Variants in CABCOCO1 observed in about 807,000 individuals in gnomAD.
CABCOCO1 encodes the protein ciliary associated calcium binding coiled-coil 1, also known as ciliary-associated calcium-binding coiled-coil protein 1.
Under a neutral mutation model 35.7 loss-of-function variants are expected in CABCOCO1, and 28 were observed. That is an observed-to-expected ratio of 0.78 (90% CI 0.58 to 1.07). The LOEUF is 1.07. CABCOCO1 is among the 50% of genes least tolerant of loss of function. The pLI, the probability that CABCOCO1 is intolerant of heterozygous loss-of-function variation, is 0.00. For synonymous variants in CABCOCO1, 95 were observed against 100.1 expected, an observed-to-expected ratio of 0.95 and a Z score of 0.30; for missense variants, 326 against 309.2, an observed-to-expected ratio of 1.05 and a Z score of -0.41.
At chr10:61,690,247 G>A (rs1840095258) in intron 4 of CABCOCO1, among the ~76,000 whole-genome samples, 1 of 152,052 alleles carries the variant, frequency 6.6e-6, no homozygotes, top group Admixed American at 6.6e-5. Flanking sequence ...TTTTAAGCTA[G>A]GAAAAGTCAA....
At chr10:61,706,985 A>G (rs1229674811) in intron 5 of CABCOCO1, among the ~76,000 whole-genome samples, 1 of 152,116 alleles carries the variant, frequency 6.6e-6, no homozygotes. Flanking sequence ...TCCTTTTATT[A>G]AACCCTCCTC....
At chr10:61,745,422 C>T (rs2132073189) in intron 5 of CABCOCO1, among the ~76,000 whole-genome samples, 1 of 152,250 alleles carries the variant, frequency 6.6e-6, no homozygotes, top group Non-Finnish European at 1.5e-5. Flanking sequence ...TGTCCTTGCT[C>T]TTCTCTTTGT....
chr10:61,714,934 A>G (rs531138360), intron 5 of CABCOCO1, among the ~76,000 whole-genome samples: 1 of 152,256 alleles, frequency 6.6e-6, no homozygotes, highest in Admixed American at 6.5e-5. Flanking sequence ...ACTTCCAATT[A>G]TGTGGTCAGT....
chr10:61,691,854 T>C (rs1840154948), intron 5 of CABCOCO1, among the ~76,000 whole-genome samples: 1 of 152,196 alleles, frequency 6.6e-6, no homozygotes, highest in African/African-American at 2.4e-5. Flanking sequence ...TAGTATTCCA[T>C]GGTGTATATG....
At chr10:61,757,759 G>A (rs1482570894) in intron 5 of CABCOCO1, among the ~76,000 whole-genome samples, 2 of 151,870 alleles carry the variant, frequency 1.3e-5, no homozygotes, top group South Asian at 2.1e-4. Flanking sequence ...TAGTTGGTGA[G>A]TCATTCAGAT....
chr10:61,686,432 G>A (rs552666229), intron 4 of CABCOCO1, among the ~76,000 whole-genome samples: 145 of 152,064 alleles, frequency 9.5e-4, no homozygotes, highest in Admixed American at 3.2e-3. Flanking sequence ...AAAGGTTTGC[G>A]TTTGATAAAT....
At chr10:61,737,560 C>T (rs61850504) in intron 5 of CABCOCO1, among the ~76,000 whole-genome samples, 9,230 of 152,190 alleles carry the variant, frequency 0.061, 631 homozygotes, top group African/African-American at 0.17. Context: ...AACCTAAATG[C>T]TCATCAATGA....
At chr10:61,684,989 T>TTGTTTTCA (rs1251930913) in intron 3 of CABCOCO1, 1 of 152,212 alleles carries the variant, frequency 6.6e-6, no homozygotes, top group African/African-American at 2.4e-5. Flanking sequence ...TTTCGGGTGT[T>TTGTTTTCA]TGTTTTCATT....
chr10:61,680,385 AAT>A (rs71018991), intron 2 of CABCOCO1, among the ~76,000 whole-genome samples: 100 of 134,644 alleles, frequency 7.4e-4, no homozygotes, highest in Non-Finnish European at 6.9e-4. Context: ...TATAACATAT[AAT>A]ATATATATTT....
chr10:61,716,777 T>C (rs1840878322), intron 5 of CABCOCO1, among the ~76,000 whole-genome samples: 1 of 152,182 alleles, frequency 6.6e-6, no homozygotes, highest in Non-Finnish European at 1.5e-5. Context: ...AATACCTCTC[T>C]CAAACTGCCT....
At chr10:61,723,081 C>A (rs1053533248) in intron 5 of CABCOCO1, among the ~76,000 whole-genome samples, 2 of 152,110 alleles carry the variant, frequency 1.3e-5, no homozygotes, top group Non-Finnish European at 2.9e-5. Flanking sequence ...AATATTGGTA[C>A]AAATGACCTA....
At position 61,721,540 on chromosome 10, in the gene CABCOCO1, A is replaced by G. The variant is rs1416227425; in HGVS notation, c.552+30919A>G. Reference sequence around the variant, plus strand: ...AGCCTGAAGAGGAAAGGGAAGGGCAAAGTATTAGTAGAGTCTAGTAAGGGA... The same window carrying G: ...AGCCTGAAGAGGAAAGGGAAGGGCAGAGTATTAGTAGAGTCTAGTAAGGGA... On this transcript the variant is annotated intron_variant, in intron 5 of 7. Coordinates refer to ENST00000648843, the MANE Select transcript of CABCOCO1 (RefSeq NM_001366906.2). Among the ~76,000 whole-genome samples the G allele has an allele frequency of 2.0e-5, 3 of 152,186 alleles. No individual in the cohort carries two copies. In the East Asian group the frequency reaches 5.8e-4, roughly 29 times the overall value.
chr10:61,765,447 TAC>T (rs1189912856), intron 7 of CABCOCO1, among the ~76,000 whole-genome samples: 1 of 152,348 alleles, frequency 6.6e-6, no homozygotes, highest in African/African-American at 2.4e-5. Flanking sequence ...GTATGATGAA[TAC>T]TCTTAATTAT....
At chr10:61,668,483 T>G (rs1839258528) in intron 1 of CABCOCO1, among the ~76,000 whole-genome samples, 1 of 152,038 alleles carries the variant, frequency 6.6e-6, no homozygotes, top group African/African-American at 2.4e-5. Flanking sequence ...AAAGCAGACT[T>G]CCGGTTTAGT....
intron 2 of CABCOCO1, among the ~76,000 whole-genome samples, chr10:61,675,183 G>A (rs1370055685): frequency 2.0e-5 from 3 of 152,126 alleles, no homozygotes; most frequent in African/African-American, 4.8e-5. Context: ...CTTTCCCTAC[G>A]TTCTTTCATG....
chr10:61,668,659 T>G (rs1010881522), intron 1 of CABCOCO1, among the ~76,000 whole-genome samples: 11 of 152,056 alleles, frequency 7.2e-5, no homozygotes, highest in Admixed American at 3.9e-4. Context: ...AATATTTGAC[T>G]ATTTTATTAA....
intron 2 of CABCOCO1, among the ~76,000 whole-genome samples, chr10:61,676,989 G>A (rs1485215446): frequency 1.3e-5 from 2 of 151,832 alleles, no homozygotes; most frequent in African/African-American, 2.4e-5. Context: ...GCATGAACCC[G>A]GGAGGCAGAG....
At chr10:61,751,598 G>A (rs1241160938) in intron 5 of CABCOCO1, among the ~76,000 whole-genome samples, 1 of 152,090 alleles carries the variant, frequency 6.6e-6, no homozygotes, top group East Asian at 1.9e-4. Flanking sequence ...AATGATTCCA[G>A]TAAGCACTAA....
chr10:61,758,907 T>C (rs2132090938), intron 5 of CABCOCO1, among the ~76,000 whole-genome samples: 1 of 152,086 alleles, frequency 6.6e-6, no homozygotes, highest in Non-Finnish European at 1.5e-5. Flanking sequence ...ATTTCAAAAC[T>C]TATCTAAATC....
Sources: gnomAD v4.1 joint callset for allele counts (sites outside exome capture counted in the v4.1 genomes callset) on GRCh38, gnomAD v4.1.1 for gene constraint, MANE v1.5 for transcripts, NCBI Gene and HGNC (gene_info 2026-07-23, HGNC 2026-07-21) for gene names.